Variants in FAM83D observed in about 807,000 individuals in gnomAD.
FAM83D encodes scaffolding CK1 anchoring protein D.
A neutral mutation model predicts 25.4 loss-of-function variants in FAM83D; 26 were observed. The observed-to-expected ratio is 1.02, with a 90% CI of 0.75 to 1.42. FAM83D has a LOEUF of 1.42. FAM83D is among the 40% of genes most tolerant of loss of function. FAM83D has a pLI of 0.00. For synonymous variants in FAM83D, 310 were observed against 318.5 expected (o/e 0.97, Z 0.28); for missense variants, 740 against 758.1 (o/e 0.98, Z 0.28).
chr20:38,951,864 G>A lies in FAM83D; in HGVS notation c.1102G>A (p.Val368Ile), dbSNP rs1226896977. ...RKPHDCESST[V>I]SEEDYFSSHR... ...GCCCCATGACTGTGAGTCCTCTACTGTTAGTGAGGAAGACTACTTCAGCAG... is the reference window on the plus strand; with the variant it reads ...GCCCCATGACTGTGAGTCCTCTACTATTAGTGAGGAAGACTACTTCAGCAG... Residue 368 changes from valine (V) to isoleucine (I), a missense_variant, in exon 4 of 4, where the codon GTT (valine) becomes ATT (isoleucine). Physicochemically the swap from Val to Ile is conservative, Grantham distance 29. Transcript: ENST00000619850. 14 of 1,614,172 alleles carry A rather than the reference G, an allele frequency of 8.7e-6. No homozygotes were observed. The highest frequency in any genetic ancestry group is 1.3e-5 in the African/African-American group (1 of 75,040).
chr20:38,939,361 G>GT (rs893547066), intron 1 of FAM83D, among the ~76,000 whole-genome samples: 106 of 146,102 alleles, frequency 7.3e-4, no homozygotes, highest in Admixed American at 1.4e-3. Context: ...GTTTTGTTTT[G>GT]TTTTTTGAGA....
Position 38,952,273 on chromosome 20 carries a change from A to G in FAM83D, c.1511A>G (p.Asn504Ser), listed in dbSNP as rs780943569. ...TCCATCAGAACCACTGACTTCCACAATCCTGGCTATCCCAAGTACCTGGGC... is the reference window on the plus strand; with the variant it reads ...TCCATCAGAACCACTGACTTCCACAGTCCTGGCTATCCCAAGTACCTGGGC... Reference protein sequence around the residue: ...PASIRTTDFHNPGYPKYLGTP... With the variant: ...PASIRTTDFHSPGYPKYLGTP... Residue 504 changes from asparagine to serine, a missense_variant, in exon 4 of 4, where the codon AAT (asparagine) becomes AGT (serine). This residue lies in a region of FAM83D where 375 missense variants were observed against 403.2 expected (regional missense o/e 0.93). Transcript: ENST00000619850. The G allele has an allele frequency of 7.4e-6, 12 of 1,614,138 alleles. No individual in the cohort carries two copies. The East Asian group carries it at 1.1e-4, about 15-fold the overall frequency.
chr20:38,938,693 T>G (rs1037252870), intron 1 of FAM83D, among the ~76,000 whole-genome samples: 3 of 152,146 alleles, frequency 2.0e-5, no homozygotes, highest in Non-Finnish European at 4.4e-5. Context: ...AATATCCCTC[T>G]CCCTGTCATC....
At chr20:38,937,819 G>T (rs1370415014) in intron 1 of FAM83D, among the ~76,000 whole-genome samples, 2 of 152,124 alleles carry the variant, frequency 1.3e-5, no homozygotes, top group South Asian at 2.1e-4. Flanking sequence ...TTAGCCAGGT[G>T]TGGTGGCGTG....
rs545838028 is a variant in FAM83D, at chr20:38,945,804, C to T, written c.652-2072C>T. ...ATAAGGTCTCGCTATGTTGCCTAGG[C>T]TGGTCTTGAACTCCTGGACTCAATT... On this transcript the variant is annotated intron_variant, in intron 2 of 3. Transcript: ENST00000619850. 1.8e-3 allele frequency among the ~76,000 whole-genome samples: 243 copies of T among 131,778 alleles called. 1 individual carries two copies. Among genetic ancestry groups the T allele is most frequent in the African/African-American group, 6.4e-3 (229 of 35,890 alleles). The allele number at this position is 131,778 out of a possible 152,430, so 86.5% of individuals were successfully genotyped here. A position where few individuals can be genotyped will look rare whatever the true frequency, so the allele number is the denominator to read the frequency against.
rs2085758164 is a variant in FAM83D, at chr20:38,952,115, C to A, written c.1353C>A (p.Leu451=). 6.2e-7 allele frequency: 1 copy of A among 1,614,146 alleles called. No homozygotes were observed. Among genetic ancestry groups the A allele is most frequent in the Non-Finnish European group, 8.5e-7 (1 of 1,180,056 alleles). The change falls in exon 4 of 4, where the codon CTC becomes CTA. Residue 451 remains leucine (L), a synonymous_variant. Transcript: ENST00000619850. ...TTQTDMDENI[L]FPRGTQSTEG... ...AGACTGACATGGATGAGAACATTCT[C>A]TTTCCTCGAGGAACTCAATCTACAG...
chr20:38,939,240 A>T (rs916538889), intron 1 of FAM83D, among the ~76,000 whole-genome samples: 1 of 152,200 alleles, frequency 6.6e-6, no homozygotes, highest in African/African-American at 2.4e-5. Context: ...GCTTCAGCTC[A>T]AATGCCATCT....
At chr20:38,950,084 G>A (rs1187598575) in intron 3 of FAM83D, among the ~76,000 whole-genome samples, 2 of 152,088 alleles carry the variant, frequency 1.3e-5, no homozygotes, top group Non-Finnish European at 2.9e-5. Context: ...GCCTCCCAAA[G>A]TGCTGGGATG....
intron 2 of FAM83D, among the ~76,000 whole-genome samples, chr20:38,946,353 A>G (rs2085728587): frequency 1.3e-5 from 2 of 152,106 alleles, no homozygotes; most frequent in Admixed American, 1.3e-4. Flanking sequence ...GCTTATTTTG[A>G]ATATTGATAG....
At chr20:38,939,646 C>T (rs958551757) in intron 1 of FAM83D, among the ~76,000 whole-genome samples, 1 of 152,176 alleles carries the variant, frequency 6.6e-6, no homozygotes, top group Non-Finnish European at 1.5e-5. Flanking sequence ...CCATCATGCC[C>T]GGCCCCCTTA....
Position 38,952,693 on chromosome 20 carries a change from T to C in FAM83D, c.*173T>C. On this transcript the variant is annotated 3_prime_UTR_variant, in exon 4 of 4. Coordinates refer to ENST00000619850, the MANE Select transcript of FAM83D (RefSeq NM_030919.3). ...TTATTTTACATGCTTTGTTTTGTCA[T>C]GTATATACCAGGTATTGGTTTTATG... 1 of 747,180 alleles carries C rather than the reference T, an allele frequency of 1.3e-6. No homozygotes were observed. The highest frequency in any genetic ancestry group is 2.1e-6 in the Non-Finnish European group (1 of 466,668). The allele number at this position is 747,180 out of a possible 1,614,324, so 46.3% of individuals were successfully genotyped here. A position where few individuals can be genotyped will look rare whatever the true frequency, so the allele number is the denominator to read the frequency against.
At chr20:38,927,457 A>G (rs1296233480) in intron 1 of FAM83D, among the ~76,000 whole-genome samples, 3 of 149,688 alleles carry the variant, frequency 2.0e-5, no homozygotes, top group African/African-American at 7.4e-5. Flanking sequence ...GATAAACACG[A>G]GAGTGGCAAA....
At chr20:38,939,051 T>G (rs2085690469) in intron 1 of FAM83D, among the ~76,000 whole-genome samples, 1 of 152,234 alleles carries the variant, frequency 6.6e-6, no homozygotes, top group South Asian at 2.1e-4. Flanking sequence ...ATCTTGCTCA[T>G]TCATCCGTCT....
In FAM83D at chr20:38,952,066, T is replaced by C; in HGVS notation, c.1304T>C (p.Ile435Thr). 1 of 1,614,176 alleles carries C rather than the reference T, an allele frequency of 6.2e-7. No individual in the cohort carries two copies. Among genetic ancestry groups the C allele is most frequent in the Non-Finnish European group, 8.5e-7 (1 of 1,180,024 alleles). ...ITRIASSQTT[I>T]WSRSTTTQTD... The stretch of plus-strand genomic sequence containing the variant: ...AGGATAGCAAGCTCTCAAACCACGA[T>C]TTGGTCCAGATCGACCACTACTCAG... Residue 435 changes from isoleucine to threonine, a missense_variant, in exon 4 of 4, where the codon ATT becomes ACT. By Grantham distance (89) the Ile-to-Thr change is moderately conservative. Around this residue, in one of 3 missense-constraint regions of FAM83D, gnomAD observed 375 missense variants for 403.2 expected, o/e 0.93. Coordinates refer to ENST00000619850, the MANE Select transcript of FAM83D (RefSeq NM_030919.3).
At chr20:38,936,311 G>A (rs979485451) in intron 1 of FAM83D, among the ~76,000 whole-genome samples, 1 of 152,204 alleles carries the variant, frequency 6.6e-6, no homozygotes, top group Non-Finnish European at 1.5e-5. Flanking sequence ...CCCATTGAGT[G>A]TGTATGAATC....
chr20:38,950,546 G>A (rs1346090665), intron 3 of FAM83D, among the ~76,000 whole-genome samples: 1 of 152,218 alleles, frequency 6.6e-6, no homozygotes, highest in Non-Finnish European at 1.5e-5. Context: ...TCCACTGTTA[G>A]TGAGGAAGAC....
At chr20:38,941,861 T>A in intron 1 of FAM83D, 98 bp from the exon 2 acceptor site, 1 of 1,196,446 alleles carries the variant, frequency 8.4e-7, no homozygotes, top group Admixed American at 1.8e-5. Context: ...TGGATAGGGA[T>A]CATTTCCCAG....
intron 1 of FAM83D, among the ~76,000 whole-genome samples, chr20:38,931,403 C>A (rs2085658450): frequency 6.6e-6 from 1 of 152,116 alleles, no homozygotes; most frequent in Non-Finnish European, 1.5e-5. Flanking sequence ...TTTTCCTCTC[C>A]CTGGGAAAGA....
intron 1 of FAM83D, among the ~76,000 whole-genome samples, chr20:38,927,692 T>C (rs2085642386): frequency 6.6e-6 from 1 of 151,714 alleles, no homozygotes; most frequent in African/African-American, 2.4e-5. Context: ...AGAGACGGGG[T>C]TTCTCCATGT....
Sources: allele counts gnomAD v4.1 joint callset (sites outside exome capture counted in the v4.1 genomes callset), GRCh38; gene constraint gnomAD v4.1.1; regional missense constraint gnomAD v4.1.1; transcripts MANE v1.5; gene names NCBI Gene and HGNC (gene_info 2026-07-23, HGNC 2026-07-21).